Variants in HDAC2 observed in about 807,000 individuals in gnomAD.
The protein encoded by HDAC2 is histone deacetylase 2, also known as YY1-associated factor 1.
In HDAC2, 5 loss-of-function variants were observed where a neutral mutation model predicts 68.5. The observed-to-expected ratio is 0.07, with a 90% CI of 0.04 to 0.15. The LOEUF is 0.15. Ranked by LOEUF, HDAC2 falls within the 10% of genes least tolerant of loss-of-function variation. The pLI is 1.00. For missense variants in HDAC2, 291 were observed against 600.8 expected (o/e 0.48, Z 5.39); for synonymous variants, 182 against 191.3 (o/e 0.95, Z 0.40).
At chr6:113,955,838 A>T in intron 5 of HDAC2, 175 bp downstream of exon 5, 2 of 545,952 alleles carry the variant, frequency 3.7e-6, no homozygotes, top group South Asian at 6.0e-5. Flanking sequence ...TAATTGAAGA[A>T]TTGGGCAAAT....
chr6:113,949,904 A>T (rs1776366679), intron 6 of HDAC2, among the ~76,000 whole-genome samples: 1 of 151,756 alleles, frequency 6.6e-6, no homozygotes, highest in African/African-American at 2.4e-5. Flanking sequence ...GCCTCAGCCT[A>T]CCGAGTGGCT....
rs76080291 is a variant in HDAC2 at position 113,941,588 on chromosome 6, C to T, written c.1436+120G>A. ...ATACAAACTAAAATTCAGAGCACCT[C>T]ATAATGATGTTCTAAGGTTCAGTCT... On this transcript the variant is annotated intron_variant, in intron 13 of 13. Coordinates refer to ENST00000519065, the MANE Select transcript of HDAC2 (RefSeq NM_001527.4). 1,465 of 426,878 alleles carry T rather than the reference C, an allele frequency of 3.4e-3. 14 individuals are homozygous for T. The highest frequency in any genetic ancestry group is 0.024 in the East Asian group (668 of 27,266). The allele number at this position is 426,878 out of a possible 1,614,324, so 26.4% of individuals were successfully genotyped here. A position where few individuals can be genotyped will look rare whatever the true frequency, so the allele number is the denominator to read the frequency against.
At chr6:113,960,980 G>C (rs906291853) in intron 1 of HDAC2, among the ~76,000 whole-genome samples, 4 of 152,058 alleles carry the variant, frequency 2.6e-5, no homozygotes, top group African/African-American at 9.7e-5. Context: ...GGTATTATGA[G>C]TAATCTAGAG....
chr6:113,934,959 A>G lies in HDAC2; in HGVS notation c.*6099T>C, dbSNP rs771501207. ...GTAAATTTTTCGCACCTACTTGCCC[A>G]AACTTTCTTATCAGATGCTGAGTTG... is the stretch of plus-strand genomic sequence containing the variant. On this transcript the variant is annotated 3_prime_UTR_variant, in exon 14 of 14. Transcript: ENST00000519065. The G allele has an allele frequency of 2.0e-5, 3 of 152,188 alleles. No homozygotes were observed. The highest frequency in any genetic ancestry group is 1.3e-4 in the Admixed American group (2 of 15,264). The allele number at this position is 152,188 out of a possible 1,614,324, so 9.4% of individuals were successfully genotyped here.
chr6:113,963,802 C>G (rs1015234391), intron 1 of HDAC2, among the ~76,000 whole-genome samples: 14 of 152,146 alleles, frequency 9.2e-5, no homozygotes, highest in Non-Finnish European at 1.5e-4. Context: ...TTGAACACAA[C>G]AAACTTTAAT....
chr6:113,953,170 A>T (rs1316334345), intron 6 of HDAC2, 107 bp downstream of exon 6: 2 of 782,248 alleles, frequency 2.6e-6, no homozygotes, highest in Admixed American at 2.5e-5. Context: ...AATTCTGCAT[A>T]CAAGTTTCAA....
chr6:113,963,395 A>G (rs1367793925), intron 1 of HDAC2, among the ~76,000 whole-genome samples: 1 of 152,132 alleles, frequency 6.6e-6, no homozygotes, highest in Non-Finnish European at 1.5e-5. Flanking sequence ...ACTTTTTCAT[A>G]AAGTATAAAA....
At chr6:113,941,837 ATACTT>A (rs1049719420) in intron 12 of HDAC2, 72 bp from the exon 13 acceptor site, 3 of 446,252 alleles carry the variant, frequency 6.7e-6, no homozygotes, top group African/African-American at 4.1e-5. Context: ...ATTTCAAAAT[ATACTT>A]TATTTTTAAA....
At position 113,953,282 on chromosome 6, in the gene HDAC2, A is replaced by G. The variant is rs1312324093; in HGVS notation, c.634T>C (p.Leu212=). 6.2e-7 allele frequency: 1 copy of G among 1,609,462 alleles called. No homozygotes were observed. Among genetic ancestry groups the G allele is most frequent in the African/African-American group, 1.3e-5 (1 of 74,824 alleles). ...YGEYFPGTGD[L]RDIGAGKGKY... Reference sequence around the variant, plus strand: ...CAGACAGAATTTAGTCTTACCCTCAAGTCTCCTGTGCCAGGAAAGTATTCC... The same window carrying G: ...CAGACAGAATTTAGTCTTACCCTCAGGTCTCCTGTGCCAGGAAAGTATTCC... Residue 212 remains leucine (L), a synonymous_variant, in exon 6 of 14, where the codon TTG becomes CTG. Coordinates refer to ENST00000519065, the MANE Select transcript of HDAC2 (RefSeq NM_001527.4).
chr6:113,956,290 C>CA, intron 4 of HDAC2, 139 bp from the exon 5 acceptor site: 1 of 700,490 alleles, frequency 1.4e-6, no homozygotes, highest in South Asian at 2.2e-5. Flanking sequence ...ATCTATAACA[C>CA]AAATAGGAGT....
intron 5 of HDAC2, 115 bp from the exon 6 acceptor site, chr6:113,953,533 C>G: frequency 1.6e-6 from 1 of 620,246 alleles, no homozygotes. Context: ...TGTTTAATCA[C>G]CTTTTACATT....
In HDAC2 at chr6:113,970,936, G is replaced by A. The variant is rs979705649; in HGVS notation, c.-28C>T. 3.2e-6 allele frequency: 5 copies of A among 1,552,474 alleles called. No homozygotes were observed. In the East Asian group the frequency reaches 1.2e-4, roughly 38 times the overall value. On this transcript the variant is annotated 5_prime_UTR_variant, in exon 1 of 14. Coordinates refer to ENST00000519065, the MANE Select transcript of HDAC2 (RefSeq NM_001527.4). ...GCTCCCCGGCCACCGCCGCCACCGG[G>A]CTCCTCCTCCTGCTGCTGCTGCTGC...
rs1211300894 is a variant in HDAC2 at position 113,937,970 on chromosome 6, A to AC, written c.*3087dup. ...AGGCCAGCCTGGCCAACATAGTGAA[A>AC]CCCCGTCTCTACTAAAAATGCGAAC... On this transcript the variant is annotated 3_prime_UTR_variant, in exon 14 of 14. Transcript: ENST00000519065. The AC allele has an allele frequency of 2.6e-5, 4 of 152,192 alleles. No individual in the cohort carries two copies. Among genetic ancestry groups the AC allele is most frequent in the African/African-American group, 9.7e-5 (4 of 41,430 alleles). The allele number at this position is 152,192 out of a possible 1,614,324, so 9.4% of individuals were successfully genotyped here.
Position 113,960,351 on chromosome 6 carries a change from T to A in HDAC2, c.53-333A>T, listed in dbSNP as rs189422721. 7.2e-3 allele frequency among the ~76,000 whole-genome samples: 1,103 copies of A among 152,170 alleles called. 20 individuals carry two copies. The highest frequency in any genetic ancestry group is 0.025 in the African/African-American group (1,046 of 41,570). ...TTCTGTATTCTCTGGCAAATTCACA[T>A]GCTTTTAAGTTCTCTGAGTTTTATT... On this transcript the variant is annotated intron_variant, in intron 1 of 13. Transcript: ENST00000519065.
intron 1 of HDAC2, chr6:113,970,464 G>A: frequency 6.5e-6 from 7 of 1,070,712 alleles, no homozygotes; most frequent in Non-Finnish European, 6.8e-6. Flanking sequence ...GGAGGCCGAC[G>A]CGGGGCACCC....
rs1412355670 is a variant in HDAC2 at position 113,940,593 on chromosome 6, A to G, written c.*465T>C. Reference sequence around the variant, plus strand: ...AAATACTCTTCCCAAAGAAACAGCAAATAGTTATCTTTCAAGCTGTAATCA... The same window carrying G: ...AAATACTCTTCCCAAAGAAACAGCAGATAGTTATCTTTCAAGCTGTAATCA... On this transcript the variant is annotated 3_prime_UTR_variant, in exon 14 of 14. Transcript: ENST00000519065. The G allele has an allele frequency of 6.5e-6, 1 of 155,026 alleles. No individual in the cohort carries two copies. The highest frequency in any genetic ancestry group is 2.4e-5 in the African/African-American group (1 of 41,458). 9.6% of individuals were successfully genotyped at this position (155,026 alleles called of 1,614,324 possible).
intron 3 of HDAC2, 139 bp from the exon 4 acceptor site, chr6:113,956,832 TC>T (rs1562146384): frequency 1.7e-6 from 1 of 599,934 alleles, no homozygotes; most frequent in East Asian, 2.8e-5. Context: ...ATATAAAGTT[TC>T]CAACTTTAAA....
intron 1 of HDAC2, among the ~76,000 whole-genome samples, chr6:113,969,327 C>A (rs963730921): frequency 6.6e-6 from 1 of 152,140 alleles, no homozygotes; most frequent in Non-Finnish European, 1.5e-5. Flanking sequence ...AGATTTTCCC[C>A]AAATGACACA....
chr6:113,956,809 A>G, intron 3 of HDAC2, 116 bp from the exon 4 acceptor site: 1 of 693,744 alleles, frequency 1.4e-6, no homozygotes, highest in Non-Finnish European at 2.6e-6. Context: ...TCAAACATAC[A>G]CTTCACAGTA....
Sources: allele counts gnomAD v4.1 joint callset (sites outside exome capture counted in the v4.1 genomes callset), GRCh38; gene constraint gnomAD v4.1.1; transcripts MANE v1.5; gene names NCBI Gene and HGNC (gene_info 2026-07-23, HGNC 2026-07-21).